Variants in DYNC1I1 observed in about 807,000 individuals in gnomAD.
DYNC1I1 encodes cytoplasmic dynein 1 intermediate chain 1.
A neutral mutation model predicts 86.6 loss-of-function variants in DYNC1I1; 43 were observed. The observed-to-expected ratio is 0.50, with a 90% CI of 0.39 to 0.64. DYNC1I1 has a LOEUF of 0.64. Ranked by LOEUF, DYNC1I1 falls within the 30% of genes least tolerant of loss-of-function variation. The pLI is 0.00. For missense variants in DYNC1I1, 604 were observed against 788.8 expected, an observed-to-expected ratio of 0.77 and a Z score of 2.81; for synonymous variants, 262 against 283.7, an observed-to-expected ratio of 0.92 and a Z score of 0.77.
intron 14 of DYNC1I1, among the ~76,000 whole-genome samples, chr7:96,041,992 A>G (rs1309764489): frequency 1.3e-5 from 2 of 152,216 alleles, no homozygotes; most frequent in African/African-American, 4.8e-5. Flanking sequence ...AATTGGTAGC[A>G]AAATCTTACA....
chr7:95,812,002 C>G (rs866768975), intron 3 of DYNC1I1, among the ~76,000 whole-genome samples: 3 of 152,144 alleles, frequency 2.0e-5, no homozygotes, highest in Admixed American at 6.6e-5. Flanking sequence ...TTTGAAGTAT[C>G]CTTGCATTAC....
At chr7:95,954,116 T>C (rs549822500) in intron 6 of DYNC1I1, among the ~76,000 whole-genome samples, 1 of 151,996 alleles carries the variant, frequency 6.6e-6, no homozygotes, top group Admixed American at 6.5e-5. Context: ...GGGAAGGATA[T>C]TAGGGAAAAG....
At chr7:95,974,093 T>A (rs1254835784) in intron 6 of DYNC1I1, among the ~76,000 whole-genome samples, 1 of 152,230 alleles carries the variant, frequency 6.6e-6, no homozygotes, top group East Asian at 1.9e-4. Context: ...CATTGTGGCC[T>A]TGGTGGACCT....
intron 16 of DYNC1I1, among the ~76,000 whole-genome samples, chr7:96,091,248 A>C (rs1790835920): frequency 1.3e-5 from 2 of 152,214 alleles, no homozygotes; most frequent in African/African-American, 4.8e-5. Context: ...TGCATTAAAA[A>C]ATAATGTGTA....
chr7:96,042,344 C>A (rs1789075624), intron 14 of DYNC1I1, among the ~76,000 whole-genome samples: 2 of 152,044 alleles, frequency 1.3e-5, no homozygotes, highest in Admixed American at 1.3e-4. Context: ...TCTTTCAATA[C>A]AAAAGAATAC....
intron 6 of DYNC1I1, among the ~76,000 whole-genome samples, chr7:95,932,765 C>G (rs1791932150): frequency 6.6e-6 from 1 of 152,080 alleles, no homozygotes; most frequent in Non-Finnish European, 1.5e-5. Context: ...GACACTAGAA[C>G]CAGGGGCTAA....
chr7:95,815,354 A>G (rs1277317217), intron 4 of DYNC1I1, among the ~76,000 whole-genome samples: 2 of 152,204 alleles, frequency 1.3e-5, no homozygotes, highest in Non-Finnish European at 2.9e-5. Context: ...ACTAGAAGTC[A>G]ATTAGTAAAC....
At chr7:95,802,585 A>G (rs1437681312) in intron 1 of DYNC1I1, 3 of 152,010 alleles carry the variant, frequency 2.0e-5, no homozygotes, top group Admixed American at 6.6e-5. Context: ...ACCAAATAGA[A>G]CTCAATTTTC....
intron 10 of DYNC1I1, among the ~76,000 whole-genome samples, chr7:96,017,097 T>C (rs879373882): frequency 2.0e-5 from 3 of 152,186 alleles, no homozygotes; most frequent in Non-Finnish European, 4.4e-5. Context: ...TCCTGTCAAA[T>C]TGGAACTCTT....
intron 10 of DYNC1I1, among the ~76,000 whole-genome samples, chr7:96,007,585 T>C (rs1191658624): frequency 6.6e-6 from 1 of 152,332 alleles, no homozygotes; most frequent in Non-Finnish European, 1.5e-5. Flanking sequence ...CTGCAAAATA[T>C]GATACATCAG....
At chr7:95,944,128 G>A (rs1238155402) in intron 6 of DYNC1I1, among the ~76,000 whole-genome samples, 1 of 152,066 alleles carries the variant, frequency 6.6e-6, no homozygotes, top group Non-Finnish European at 1.5e-5. Flanking sequence ...CTACTCATCT[G>A]ACAAAGGGCT....
At chr7:95,804,347 A>G in intron 1 of DYNC1I1, 1 of 1,276,308 alleles carries the variant, frequency 7.8e-7, no homozygotes, top group Middle Eastern at 2.2e-4. Flanking sequence ...TTGCTCCATT[A>G]TCATCTAAAT....
rs1793544189 is a variant in DYNC1I1, at chr7:95,984,828, G to C, written c.594G>C (p.Glu198Asp). 6.2e-7 allele frequency: 1 copy of C among 1,608,902 alleles called. No individual in the cohort carries two copies. Among genetic ancestry groups the C allele is most frequent in the Admixed American group, 1.7e-5 (1 of 59,240 alleles). ...KQEVKEAPPR[E>D]LTEEEKQQIL... ...AAATAAATAAAGCCCCTCCAAGAGAGTTGACAGAGGAAGAAAAACAGCAGA... is the reference window on the plus strand; with the variant it reads ...AAATAAATAAAGCCCCTCCAAGAGACTTGACAGAGGAAGAAAAACAGCAGA... Residue 198 changes from glutamate (E) to aspartate (D), a missense_variant, in exon 8 of 17, where the codon GAG becomes GAC. Physicochemically the swap from Glu to Asp is conservative, Grantham distance 45. Transcript: ENST00000447467.
intron 6 of DYNC1I1, among the ~76,000 whole-genome samples, chr7:95,895,760 A>G (rs1482837031): frequency 1.3e-5 from 2 of 152,258 alleles, no homozygotes; most frequent in African/African-American, 4.8e-5. Context: ...AAAGTGATAT[A>G]TAACATAACT....
chr7:95,996,753 C>T (rs1471156951), intron 10 of DYNC1I1, among the ~76,000 whole-genome samples: 2 of 152,138 alleles, frequency 1.3e-5, no homozygotes, highest in Non-Finnish European at 2.9e-5. Flanking sequence ...AAATAATAGG[C>T]CTCAGCATAG....
At chr7:95,925,566 C>T (rs1584165543) in intron 6 of DYNC1I1, among the ~76,000 whole-genome samples, 1 of 152,116 alleles carries the variant, frequency 6.6e-6, no homozygotes, top group African/African-American at 2.4e-5. Context: ...TTGAATGTTG[C>T]GGGCATGAGT....
At chr7:96,030,787 A>G (rs1794791052) in intron 11 of DYNC1I1, among the ~76,000 whole-genome samples, 1 of 152,136 alleles carries the variant, frequency 6.6e-6, no homozygotes. Flanking sequence ...CACAGAGGTT[A>G]GCATGCTGTG....
chr7:96,016,517 G>A (rs1562972453), intron 10 of DYNC1I1, among the ~76,000 whole-genome samples: 1 of 152,060 alleles, frequency 6.6e-6, no homozygotes, highest in Non-Finnish European at 1.5e-5. Flanking sequence ...AATTCAAAAA[G>A]AAATTGTCCA....
chr7:95,887,862 C>T (rs1261387297), intron 6 of DYNC1I1, among the ~76,000 whole-genome samples: 1 of 152,152 alleles, frequency 6.6e-6, no homozygotes, highest in African/African-American at 2.4e-5. Context: ...AGGAGAGTTT[C>T]CGTAGCTTTA....
Sources: gnomAD v4.1 joint callset for allele counts (sites outside exome capture counted in the v4.1 genomes callset) on GRCh38, gnomAD v4.1.1 for gene constraint, MANE v1.5 for transcripts, NCBI Gene and HGNC (gene_info 2026-07-23, HGNC 2026-07-21) for gene names.